Variants in VSIG1 observed in about 807,000 individuals in gnomAD.
VSIG1 encodes V-set and immunoglobulin domain-containing protein 1.
VSIG1 carries 11 observed loss-of-function variants against 20.1 expected under a neutral mutation model. That is an observed-to-expected ratio of 0.55 (90% CI 0.34 to 0.91). The LOEUF (loss-of-function observed/expected upper bound fraction) is 0.91, where lower values mean the gene tolerates loss of function less well. Among genes scored for constraint, VSIG1 ranks in the 40% least tolerant of loss-of-function variants. VSIG1 has a pLI of 0.02. For missense variants in VSIG1, 283 were observed against 298.8 expected (o/e 0.95, Z 0.39); for synonymous variants, 126 against 116.7 (o/e 1.08, Z -0.52).
At chrX:108,040,536 T>C (rs2030463217), upstream of VSIG1, among the ~76,000 whole-genome samples, 1 of 111,946 alleles carries the variant, frequency 8.9e-6, no homozygotes, top group African/African-American at 3.3e-5. Flanking sequence ...TACCCTTTGA[T>C]CAAGCAATTC....
chrX:108,061,562 G>A (rs1297827880), intron 2 of VSIG1: 3 of 1,115,147 alleles, frequency 2.7e-6, no homozygotes, highest in Non-Finnish European at 3.6e-6. Flanking sequence ...GTGTACTACT[G>A]GACTTCTTCA....
intron 5 of VSIG1, among the ~76,000 whole-genome samples, chrX:108,074,376 AGAGATATGTAGGATTTGGACTTGAG>A (rs1273892444): frequency 1.4e-4 from 16 of 111,701 alleles, no homozygotes; most frequent in African/African-American, 5.2e-4. Context: ...CTGCAGATGT[AGAGATATGTAGGATTTGGACTTGAG>A]CATTGCTTCC....
upstream of VSIG1, among the ~76,000 whole-genome samples, chrX:108,041,965 T>C (rs1189831846): frequency 9.0e-6 from 1 of 110,996 alleles, no homozygotes; most frequent in Non-Finnish European, 1.9e-5. Flanking sequence ...ATAGAAAATG[T>C]AGGTATACCT....
intron 2 of VSIG1, chrX:108,064,870 G>T: frequency 2.3e-6 from 1 of 426,692 alleles, no homozygotes; most frequent in South Asian, 1.2e-4. Context: ...GCCTGATAGC[G>T]TGGGTGCCAA....
intron 2 of VSIG1, among the ~76,000 whole-genome samples, chrX:108,062,510 G>A (rs1029481418): frequency 8.9e-6 from 1 of 111,993 alleles, no homozygotes; most frequent in Admixed American, 9.5e-5. Context: ...CTCATGGTAA[G>A]GTGTTAGGGA....
chrX:108,047,975 T>TATATATATATACAC lies in VSIG1; in HGVS notation c.49+2807_49+2808insCACATATATATATA, dbSNP rs1569287499. 5.3e-5 allele frequency among the ~76,000 whole-genome samples: 3 copies of TATATATATATACAC among 57,115 alleles called. No homozygotes were observed. In the East Asian group the frequency reaches 1.5e-3, roughly 29 times the overall value. 49.6% of individuals were successfully genotyped at this position (57,115 alleles called of 115,157 possible). A position where few individuals can be genotyped will look rare whatever the true frequency, so the allele number is the denominator to read the frequency against. ...ATATACACACACATATATATATATA[T>TATATATATATACAC]ATATATATATATATATATATATATA... On this transcript the variant is annotated intron_variant, in intron 1 of 6. Coordinates refer to ENST00000217957, the MANE Select transcript of VSIG1 (RefSeq NM_182607.5).
intron 2 of VSIG1, chrX:108,064,592 T>G (rs1030486669): frequency 1.4e-4 from 34 of 244,956 alleles, no homozygotes; most frequent in African/African-American, 1.0e-3. Flanking sequence ...AATAAGGTCC[T>G]TTTCACCTGG....
chrX:108,069,164 A>G (rs1014805161), intron 3 of VSIG1, among the ~76,000 whole-genome samples: 1 of 111,086 alleles, frequency 9.0e-6, no homozygotes, highest in Non-Finnish European at 1.9e-5. Flanking sequence ...ATATTCTTAA[A>G]TTTAAAGCTC....
chrX:108,020,195 T>C, the VSIG1 span, among the ~76,000 whole-genome samples: 1 of 112,127 alleles, frequency 8.9e-6, no homozygotes, highest in Non-Finnish European at 1.9e-5. Context: ...TGATGTTTGT[T>C]CCTTTTACCT....
Position 108,077,888 on chromosome X carries a change from T to C in VSIG1, c.*507T>C, listed in dbSNP as rs1260417301. 1 of 111,860 alleles carries C rather than the reference T, an allele frequency of 8.9e-6. No individual in the cohort carries two copies. Among genetic ancestry groups the C allele is most frequent in the Non-Finnish European group, 1.9e-5 (1 of 53,708 alleles). 9.2% of individuals were successfully genotyped at this position (111,860 alleles called of 1,213,427 possible). A position where few individuals can be genotyped will look rare whatever the true frequency, so the allele number is the denominator to read the frequency against. On this transcript the variant is annotated 3_prime_UTR_variant, in exon 7 of 7. Transcript: ENST00000217957. ...ACGCCCGGCTAATTTTTTGTATTTT[T>C]AGTAGAGATGGGGTTTCACGTTGTT... is the stretch of plus-strand genomic sequence containing the variant.
chrX:108,066,023 C>T (rs2031118204), intron 2 of VSIG1, among the ~76,000 whole-genome samples: 1 of 111,596 alleles, frequency 9.0e-6, no homozygotes, highest in Admixed American at 9.5e-5. Context: ...TAACTCAAGC[C>T]ACCTGACCCC....
At chrX:108,036,059 T>A in the VSIG1 span, among the ~76,000 whole-genome samples, 1 of 98,119 alleles carries the variant, frequency 1.0e-5, no homozygotes, top group African/African-American at 3.8e-5. Flanking sequence ...GGCCTTATTG[T>A]CATCTAGTAT....
At chrX:108,070,994 C>T (rs2147933322) in intron 3 of VSIG1, among the ~76,000 whole-genome samples, 1 of 111,489 alleles carries the variant, frequency 9.0e-6, no homozygotes, top group Non-Finnish European at 1.9e-5. Flanking sequence ...AGGTTCTAGG[C>T]CCTATATTTA....
chrX:108,047,907 CATATAT>C lies in VSIG1; in HGVS notation c.49+2734_49+2739del, dbSNP rs370322784. Among the ~76,000 whole-genome samples the C allele has an allele frequency of 3.5e-3, 103 of 29,245 alleles. 16 individuals carry two copies. The highest frequency in any genetic ancestry group is 0.022 in the African/African-American group (98 of 4,380). The allele number at this position is 29,245 out of a possible 115,157, so 25.4% of individuals were successfully genotyped here. Reference sequence around the variant, plus strand: ...ATATACACACATATATATATATACACATATATATATACACATATATATATATACACA... The same window carrying C: ...ATATACACACATATATATATATACACATATACACATATATATATATACACA... On this transcript the variant is annotated intron_variant, in intron 1 of 6. Transcript: ENST00000217957.
chrX:108,027,933 T>C, the VSIG1 span, among the ~76,000 whole-genome samples: 1 of 111,158 alleles, frequency 9.0e-6, no homozygotes, highest in Non-Finnish European at 1.9e-5. Flanking sequence ...ATTTCCATCA[T>C]GTTTCTAAGA....
intron 5 of VSIG1, chrX:108,073,781 G>T: frequency 8.7e-6 from 1 of 115,413 alleles, no homozygotes; most frequent in Admixed American, 9.2e-5. Flanking sequence ...AATAACACTC[G>T]TACCCACAAT....
rs1313985953 is a variant in VSIG1, at chrX:108,078,321, A to G, written c.*940A>G. ...CATGGCAAATTTAAAAAATAACACA[A>G]TTTCTTGCCTGTAACCCTAGCACTT... On this transcript the variant is annotated 3_prime_UTR_variant, in exon 7 of 7. Transcript: ENST00000217957. The G allele has an allele frequency of 8.9e-6, 1 of 111,820 alleles. No individual in the cohort carries two copies. Among genetic ancestry groups the G allele is most frequent in the Admixed American group, 9.4e-5 (1 of 10,589 alleles). The allele number at this position is 111,820 out of a possible 1,213,427, so 9.2% of individuals were successfully genotyped here.
At chrX:108,062,613 C>G (rs1478731351) in intron 2 of VSIG1, among the ~76,000 whole-genome samples, 1 of 111,943 alleles carries the variant, frequency 8.9e-6, no homozygotes, top group Non-Finnish European at 1.9e-5. Context: ...ATGGCAGATA[C>G]CCAGGCAAAT....
Position 108,059,487 on chromosome X carries a change from G to A in VSIG1, c.213+1286G>A, listed in dbSNP as rs773619504. On this transcript the variant is annotated intron_variant, in intron 2 of 6. Transcript: ENST00000217957. ...ACTCTGCACCTCTCTTTAAAATATG[G>A]TAGATCAGCAATACCCATGGGGAAT... 1.5e-4 allele frequency among the ~76,000 whole-genome samples: 17 copies of A among 111,924 alleles called. No homozygotes were observed. In the South Asian group the frequency reaches 5.2e-3, roughly 34 times the overall value.
Sources: gnomAD v4.1 joint callset for allele counts (sites outside exome capture counted in the v4.1 genomes callset) on GRCh38, gnomAD v4.1.1 for gene constraint, MANE v1.5 for transcripts, NCBI Gene and HGNC (gene_info 2026-07-23, HGNC 2026-07-21) for gene names.